Variants in PIGX observed in about 807,000 individuals in gnomAD.
The protein encoded by PIGX is phosphatidylinositol glycan anchor biosynthesis class X.
A neutral mutation model predicts 28.7 loss-of-function variants in PIGX; 24 were observed. The observed-to-expected ratio is 0.84, with a 90% CI of 0.60 to 1.17. PIGX has a LOEUF of 1.17. Among genes scored for constraint, PIGX ranks in the 50% most tolerant of loss-of-function variants. PIGX has a pLI of 0.00. For missense variants in PIGX, 305 were observed against 317.8 expected (o/e 0.96, Z 0.31); for synonymous variants, 127 against 121.0 (o/e 1.05, Z -0.33).
At chr3:196,719,724 T>TA (rs1712238151) in intron 2 of PIGX, among the ~76,000 whole-genome samples, 1 of 152,244 alleles carries the variant, frequency 6.6e-6, no homozygotes, top group Admixed American at 6.5e-5. Context: ...TGGTTTTTCT[T>TA]TAAGCAGTCA....
chr3:196,730,169 T>A (rs1712691908), intron 4 of PIGX, among the ~76,000 whole-genome samples: 1 of 151,990 alleles, frequency 6.6e-6, no homozygotes, highest in Admixed American at 6.6e-5. Flanking sequence ...GACGAGAAAA[T>A]TAAAAATGTT....
At chr3:196,713,549 C>T (rs1488568040) in intron 1 of PIGX, among the ~76,000 whole-genome samples, 1 of 152,048 alleles carries the variant, frequency 6.6e-6, no homozygotes, top group African/African-American at 2.4e-5. Context: ...TCAGGTGGTC[C>T]ACCCTCCTCA....
chr3:196,728,013 C>T lies in PIGX; in HGVS notation c.409C>T (p.Gln137Ter). ...TCTCATTTATGCCAGACGAGATTCA[C>T]AGTGCATTGACTGTTTTCAAGCCTT... is the stretch of plus-strand genomic sequence containing the variant. The change falls in exon 4 of 6, where the codon CAG (glutamine) becomes TAG (stop). Residue 137 changes from glutamine to a stop codon, truncating the protein, a stop_gained. Transcript: ENST00000392391. LOFTEE classifies it high-confidence loss of function. 6.2e-7 allele frequency: 1 copy of T among 1,613,958 alleles called. No individual in the cohort carries two copies. Among genetic ancestry groups the T allele is most frequent in the South Asian group, 1.1e-5 (1 of 91,072 alleles).
intron 1 of PIGX, 200 bp downstream of exon 1, chr3:196,712,844 A>G: frequency 2.7e-6 from 3 of 1,093,918 alleles, no homozygotes; most frequent in Non-Finnish European, 3.3e-6. Context: ...TCTCCGGGAG[A>G]GTCGGGCTCG....
At chr3:196,721,186 A>G (rs1202959434) in intron 2 of PIGX, 3 of 378,540 alleles carry the variant, frequency 7.9e-6, no homozygotes, top group Non-Finnish European at 1.5e-5. Flanking sequence ...GGAACTCCAA[A>G]TATATGTATA....
chr3:196,732,951 A>G (rs541599990), intron 5 of PIGX, among the ~76,000 whole-genome samples: 8 of 152,368 alleles, frequency 5.3e-5, no homozygotes, highest in African/African-American at 1.9e-4. Context: ...CCAGCTGTAC[A>G]ATATGGGAAT....
chr3:196,732,242 ATATATATATATATATTTTATTTTAT>A (rs1372872500), intron 5 of PIGX, among the ~76,000 whole-genome samples: 1 of 38,298 alleles, frequency 2.6e-5, no homozygotes, highest in Non-Finnish European at 4.7e-5. Flanking sequence ...ATATATATAT[ATATATATATATATATTTTATTTTAT>A]TTTATTTTTT....
At chr3:196,732,216 T>TA (rs1553797075) in intron 5 of PIGX, among the ~76,000 whole-genome samples, 7 of 51,348 alleles carry the variant, frequency 1.4e-4, no homozygotes, top group South Asian at 8.4e-4. Flanking sequence ...TATATATTAT[T>TA]TATATATATA....
intron 5 of PIGX, 70 bp downstream of exon 5, chr3:196,731,162 C>T: frequency 1.2e-6 from 1 of 864,072 alleles, no homozygotes; most frequent in Non-Finnish European, 1.8e-6. Context: ...AATGTTCCTG[C>T]CACATTTAAG....
chr3:196,717,741 A>G (rs1237061619), intron 2 of PIGX: 1 of 152,218 alleles, frequency 6.6e-6, no homozygotes, highest in Admixed American at 6.5e-5. Flanking sequence ...CTAGCTTAGT[A>G]CTATTATACT....
At position 196,733,471 on chromosome 3, in the gene PIGX, C is replaced by G. The variant is rs1712892345; in HGVS notation, c.634-288C>G. Among the ~76,000 whole-genome samples the G allele has an allele frequency of 6.6e-6, 1 of 152,050 alleles. No individual in the cohort carries two copies. The highest frequency in any genetic ancestry group is 2.4e-5 in the African/African-American group (1 of 41,394). On this transcript the variant is annotated intron_variant, in intron 5 of 5. Coordinates refer to ENST00000392391, the MANE Select transcript of PIGX (RefSeq NM_017861.4). The surrounding 1 kb of genome is among the most constrained non-coding windows in gnomAD (Gnocchi z 4.3). ...TGTCTCCCAGGCTGGAGTACAGTGG[C>G]ACGATCTCAGCTCACTGCAAACCTC...
chr3:196,721,315 T>C (rs1224211889), intron 2 of PIGX: 2 of 196,164 alleles, frequency 1.0e-5, no homozygotes, highest in Non-Finnish European at 2.1e-5. Context: ...AAGTCACTGA[T>C]CTTTTCTTCT....
intron 5 of PIGX, among the ~76,000 whole-genome samples, chr3:196,732,262 T>TTG (rs1491258758): frequency 5.9e-5 from 3 of 51,270 alleles, no homozygotes; most frequent in African/African-American, 2.6e-4. Flanking sequence ...ATATATTTTA[T>TTG]TTTATTTTAT....
At position 196,728,872 on chromosome 3, in the gene PIGX, C is replaced by T; in HGVS notation, c.532+736C>T. ...TCTGTTGCTTTTTGTTTCTTGTTAT[C>T]AGTATTGCAGGACTCTGGCTTTTGA... On this transcript the variant is annotated intron_variant, in intron 4 of 5. Coordinates refer to ENST00000392391, the MANE Select transcript of PIGX (RefSeq NM_017861.4). 13 of 678,096 alleles carry T rather than the reference C, an allele frequency of 1.9e-5. No individual in the cohort carries two copies. In the South Asian group the frequency reaches 2.1e-4, roughly 11 times the overall value. The allele number at this position is 678,096 out of a possible 1,614,324, so 42.0% of individuals were successfully genotyped here. A position where few individuals can be genotyped will look rare whatever the true frequency, so the allele number is the denominator to read the frequency against.
chr3:196,734,206 AG>A lies in PIGX; in HGVS notation c.*305del. 1 of 245,542 alleles carries A rather than the reference AG, an allele frequency of 4.1e-6. No individual in the cohort carries two copies. The highest frequency in any genetic ancestry group is 7.8e-6 in the Non-Finnish European group (1 of 128,192). The allele number at this position is 245,542 out of a possible 1,614,324, so 15.2% of individuals were successfully genotyped here. A position where few individuals can be genotyped will look rare whatever the true frequency, so the allele number is the denominator to read the frequency against. ...GGGTAGAAAAATTATTTCTTTATGT[AG>A]TAGAGACAAATTATTCTCATTTTGC... On this transcript the variant is annotated 3_prime_UTR_variant, in exon 6 of 6. Coordinates refer to ENST00000392391, the MANE Select transcript of PIGX (RefSeq NM_017861.4).
rs1711852704 is a variant in PIGX at position 196,712,423 on chromosome 3, C to T, written c.-110C>T. On this transcript the variant is annotated 5_prime_UTR_variant, in exon 1 of 6. Coordinates refer to ENST00000392391, the MANE Select transcript of PIGX (RefSeq NM_017861.4). ...GGCGCGCGCACCCAGCACTCGGTCC[C>T]AGCCGATAAATCTGGGGCAGCGCGC... 1 of 434,980 alleles carries T rather than the reference C, an allele frequency of 2.3e-6. No homozygotes were observed. Among genetic ancestry groups the T allele is most frequent in the Non-Finnish European group, 3.3e-6 (1 of 299,032 alleles). The allele number at this position is 434,980 out of a possible 1,614,324, so 26.9% of individuals were successfully genotyped here.
intron 3 of PIGX, among the ~76,000 whole-genome samples, chr3:196,727,713 G>GT (rs1007505381): frequency 1.3e-4 from 19 of 151,314 alleles, no homozygotes; most frequent in Middle Eastern, 3.4e-3. Flanking sequence ...AATTTCCCCA[G>GT]TTTTTTTTTA....
chr3:196,723,198 A>C (rs944448627), intron 3 of PIGX, among the ~76,000 whole-genome samples: 2 of 152,116 alleles, frequency 1.3e-5, no homozygotes, highest in African/African-American at 2.4e-5. Flanking sequence ...AAAATTAGCC[A>C]GGTGTGGTGG....
intron 1 of PIGX, among the ~76,000 whole-genome samples, chr3:196,716,009 T>C (rs1712083170): frequency 6.6e-6 from 1 of 151,976 alleles, no homozygotes; most frequent in Non-Finnish European, 1.5e-5. Flanking sequence ...CATTGAGTAA[T>C]AGTTTTCTTT....
Sources: gnomAD v4.1 joint callset for allele counts (sites outside exome capture counted in the v4.1 genomes callset) on GRCh38, gnomAD v4.1.1 for gene constraint, Gnocchi (gnomAD v3.1) non-coding constraint, MANE v1.5 for transcripts, NCBI Gene and HGNC (gene_info 2026-07-23, HGNC 2026-07-21) for gene names.